DTD1: variants seen among roughly 807,000 people sequenced by gnomAD.
DTD1 encodes D-aminoacyl-tRNA deacylase 1, also known as D-tyrosyl-tRNA deacylase 1 homolog.
A neutral mutation model predicts 25.6 loss-of-function variants in DTD1; 13 were observed. The observed-to-expected ratio is 0.51, with a 90% CI of 0.33 to 0.81. DTD1 has a LOEUF of 0.81. Among genes scored for constraint, DTD1 ranks in the 30% least tolerant of loss-of-function variants. The pLI, the probability that DTD1 is intolerant of heterozygous loss-of-function variation, is 0.02. For synonymous variants in DTD1, 110 were observed against 103.6 expected (o/e 1.06, Z -0.37); for missense variants, 193 against 266.4 (o/e 0.72, Z 1.92).
At chr20:18,596,362 C>T in intron 3 of DTD1, 121 bp downstream of exon 3, 1 of 781,508 alleles carries the variant, frequency 1.3e-6, no homozygotes, top group Non-Finnish European at 2.0e-6. Flanking sequence ...TTGTTACTTA[C>T]TTAGAACCAC....
intron 1 of DTD1, chr20:18,589,029 C>A: frequency 2.7e-6 from 1 of 365,798 alleles, no homozygotes; most frequent in Non-Finnish European, 3.8e-6. Context: ...ACCAAATATG[C>A]GTTCTTGTGT....
At chr20:18,703,607 A>G (rs184557081) in intron 4 of DTD1, among the ~76,000 whole-genome samples, 180 of 151,942 alleles carry the variant, frequency 1.2e-3, no homozygotes, top group Non-Finnish European at 2.1e-3. Flanking sequence ...CCATGGGGCA[A>G]TTATTAAACT....
chr20:18,760,801 G>C (rs2061358436), intron 5 of DTD1, among the ~76,000 whole-genome samples: 1 of 152,224 alleles, frequency 6.6e-6, no homozygotes, highest in Non-Finnish European at 1.5e-5. Context: ...GGTTTCTGCT[G>C]CCTTTTGTTT....
chr20:18,703,116 A>G (rs1438107712), intron 4 of DTD1, among the ~76,000 whole-genome samples: 2 of 152,216 alleles, frequency 1.3e-5, no homozygotes, highest in Non-Finnish European at 2.9e-5. Flanking sequence ...CTGCCTTTTA[A>G]AAAATAAATC....
intron 4 of DTD1, among the ~76,000 whole-genome samples, chr20:18,710,911 G>A (rs960859391): frequency 6.6e-6 from 1 of 152,194 alleles, no homozygotes; most frequent in African/African-American, 2.4e-5. Flanking sequence ...TGAGGGTTAA[G>A]GAGGTTGGGC....
intron 3 of DTD1, among the ~76,000 whole-genome samples, chr20:18,626,180 C>G (rs760347071): frequency 1.3e-5 from 2 of 152,180 alleles, no homozygotes; most frequent in African/African-American, 2.4e-5. Flanking sequence ...GTGTACTAAC[C>G]TATGTGCACC....
At chr20:18,598,796 AC>A (rs1470938564) in intron 3 of DTD1, among the ~76,000 whole-genome samples, 2 of 151,816 alleles carry the variant, frequency 1.3e-5, no homozygotes, top group East Asian at 3.9e-4. Context: ...GGTGTGAGCC[AC>A]CGCGCCCGGC....
At chr20:18,690,866 CT>C (rs2061043631) in intron 4 of DTD1, among the ~76,000 whole-genome samples, 1 of 152,112 alleles carries the variant, frequency 6.6e-6, no homozygotes, top group Non-Finnish European at 1.5e-5. Context: ...ATAGTTTTTT[CT>C]GTTTTTATGA....
At chr20:18,757,695 G>A (rs112342127) in intron 5 of DTD1, among the ~76,000 whole-genome samples, 85 of 152,270 alleles carry the variant, frequency 5.6e-4, no homozygotes, top group African/African-American at 2.0e-3. Flanking sequence ...GAGGATTTTT[G>A]CATCGATGTT....
At chr20:18,612,925 C>T (rs991078174) in intron 3 of DTD1, among the ~76,000 whole-genome samples, 1 of 152,208 alleles carries the variant, frequency 6.6e-6, no homozygotes, top group Non-Finnish European at 1.5e-5. Flanking sequence ...TCCCAAAGTG[C>T]TGGGATTACA....
At chr20:18,639,367 A>G (rs2060820301) in intron 4 of DTD1, among the ~76,000 whole-genome samples, 1 of 152,174 alleles carries the variant, frequency 6.6e-6, no homozygotes, top group African/African-American at 2.4e-5. Flanking sequence ...TATTGTAGCT[A>G]ATATTTTCAG....
chr20:18,644,089 G>C (rs2060841136), intron 4 of DTD1, among the ~76,000 whole-genome samples: 1 of 152,246 alleles, frequency 6.6e-6, no homozygotes, highest in Non-Finnish European at 1.5e-5. Context: ...TATGGAGTTG[G>C]TCGCAATTTT....
chr20:18,724,112 G>A (rs745381091), intron 4 of DTD1, among the ~76,000 whole-genome samples: 1 of 152,148 alleles, frequency 6.6e-6, no homozygotes, highest in Admixed American at 6.5e-5. Context: ...TTCCTCTCAC[G>A]TTCATTGGCC....
chr20:18,629,106 C>T (rs1347187865), intron 4 of DTD1, among the ~76,000 whole-genome samples: 1 of 150,444 alleles, frequency 6.6e-6, no homozygotes. Context: ...AAGCAATTCT[C>T]CTGCCTCAGC....
chr20:18,658,491 G>A (rs746902286), intron 4 of DTD1, among the ~76,000 whole-genome samples: 27 of 151,986 alleles, frequency 1.8e-4, no homozygotes, highest in Non-Finnish European at 3.7e-4. Context: ...TGTTTGTTAT[G>A]CTTTATGTCT....
chr20:18,701,668 A>G (rs1182546418), intron 4 of DTD1, among the ~76,000 whole-genome samples: 6 of 152,184 alleles, frequency 3.9e-5, no homozygotes, highest in Non-Finnish European at 7.4e-5. Context: ...ACCACGTGGG[A>G]CATAGGCCTG....
chr20:18,733,377 T>C (rs1394635215), intron 4 of DTD1, among the ~76,000 whole-genome samples: 1 of 152,174 alleles, frequency 6.6e-6, no homozygotes, highest in South Asian at 2.1e-4. Flanking sequence ...TGCAGGTCAG[T>C]TGTCCATGGA....
intron 4 of DTD1, among the ~76,000 whole-genome samples, chr20:18,687,049 T>G (rs979057766): frequency 6.6e-6 from 1 of 152,118 alleles, no homozygotes; most frequent in Non-Finnish European, 1.5e-5. Context: ...TGGGAAATGG[T>G]GCAAAAGCAG....
intron 4 of DTD1, among the ~76,000 whole-genome samples, chr20:18,702,379 A>G (rs565158995): frequency 6.6e-6 from 1 of 152,266 alleles, no homozygotes; most frequent in Admixed American, 6.5e-5. Context: ...CTTGTTTTAA[A>G]TTTCCCCTTT....
Sources: gnomAD v4.1 joint callset for allele counts (sites outside exome capture counted in the v4.1 genomes callset) on GRCh38, gnomAD v4.1.1 for gene constraint, MANE v1.5 for transcripts, NCBI Gene and HGNC (gene_info 2026-07-23, HGNC 2026-07-21) for gene names.